PLCL1: variants seen among roughly 807,000 people sequenced by gnomAD.
The protein encoded by PLCL1 is phospholipase C like 1 (inactive), also known as inactive phospholipase C-like protein 1.
PLCL1 carries 41 observed loss-of-function variants against 84.4 expected under a neutral mutation model. The ratio of observed to expected loss-of-function variants is 0.49; its 90% CI spans 0.38 to 0.63. The LOEUF is 0.63. Ranked by LOEUF, PLCL1 falls within the 30% of genes least tolerant of loss-of-function variation. PLCL1 has a pLI of 0.00. For missense variants in PLCL1, 1,206 were observed against 1,367.8 expected (o/e 0.88, Z 1.87); for synonymous variants, 490 against 488.3 (o/e 1.00, Z -0.05).
At chr2:197,983,367 C>T (rs2105806825) in intron 1 of PLCL1, among the ~76,000 whole-genome samples, 1 of 151,600 alleles carries the variant, frequency 6.6e-6, no homozygotes, top group East Asian at 1.9e-4. Context: ...GTAGCTGGGA[C>T]CACAGGCGTG....
rs768267325 is a variant in PLCL1 at position 198,101,384 on chromosome 2, C to A, written c.2995+24C>A. ...AGGTAATTGTTTTTAATTTTTTTTT[C>A]TGTTTTTTTTTTCTATTTTGTTTGG... is the stretch of plus-strand genomic sequence containing the variant. On this transcript the variant is annotated intron_variant, in intron 4 of 5. Coordinates refer to ENST00000428675, the MANE Select transcript of PLCL1 (RefSeq NM_006226.4). 10 of 1,281,166 alleles carry A rather than the reference C, an allele frequency of 7.8e-6. No homozygotes were observed. The South Asian group carries it at 1.3e-4, about 16-fold the overall frequency. 79.4% of individuals were successfully genotyped at this position (1,281,166 alleles called of 1,614,324 possible).
chr2:198,090,886 G>T (rs11895223), intron 3 of PLCL1, among the ~76,000 whole-genome samples: 9,510 of 152,188 alleles, frequency 0.062, 802 homozygotes, highest in African/African-American at 0.2. Flanking sequence ...CTGGGCAATT[G>T]CCATTTCACA....
intron 5 of PLCL1, among the ~76,000 whole-genome samples, chr2:198,108,664 A>G (rs1693547263): frequency 6.6e-6 from 1 of 151,976 alleles, no homozygotes; most frequent in Admixed American, 6.6e-5. Context: ...AAGAATTATA[A>G]TTACAGTGTC....
chr2:197,853,943 G>C (rs1435569), intron 1 of PLCL1, among the ~76,000 whole-genome samples: 110,648 of 152,094 alleles, frequency 0.73, 41,296 homozygotes, highest in African/African-American at 0.9. Context: ...GATCTATCTG[G>C]AGGGGGCTTC....
chr2:197,982,277 C>G (rs903451255), intron 1 of PLCL1, among the ~76,000 whole-genome samples: 1 of 151,582 alleles, frequency 6.6e-6, no homozygotes, highest in Non-Finnish European at 1.5e-5. Context: ...ACTAGGAGCC[C>G]CTTTGTATCT....
At chr2:198,003,928 C>T (rs572335909) in intron 1 of PLCL1, among the ~76,000 whole-genome samples, 1 of 152,276 alleles carries the variant, frequency 6.6e-6, no homozygotes, top group South Asian at 2.1e-4. Flanking sequence ...TTAGAAGGAA[C>T]TTGACCAAGT....
chr2:197,807,429 G>C (rs1042659269), intron 1 of PLCL1, among the ~76,000 whole-genome samples: 2 of 16,038 alleles, frequency 1.2e-4, no homozygotes, highest in African/African-American at 2.3e-3. Flanking sequence ...GTAGGTCTTT[G>C]GTGGGCAGCA....
intron 1 of PLCL1, among the ~76,000 whole-genome samples, chr2:197,887,661 G>A (rs907221770): frequency 4.6e-5 from 7 of 152,008 alleles, no homozygotes; most frequent in East Asian, 3.8e-4. Context: ...ATTGGTAATC[G>A]TGAAATCTGG....
intron 1 of PLCL1, among the ~76,000 whole-genome samples, chr2:198,005,653 C>T (rs1690711569): frequency 1.3e-5 from 2 of 152,146 alleles, no homozygotes; most frequent in African/African-American, 2.4e-5. Context: ...AAAAAGTATG[C>T]GGCACTGTGA....
At chr2:197,919,650 C>T (rs988891432) in intron 1 of PLCL1, among the ~76,000 whole-genome samples, 1 of 152,188 alleles carries the variant, frequency 6.6e-6, no homozygotes, top group African/African-American at 2.4e-5. Flanking sequence ...ACCAATGATA[C>T]AAGAGAGGAA....
At chr2:198,049,535 G>C (rs977387171) in intron 1 of PLCL1, among the ~76,000 whole-genome samples, 2 of 152,192 alleles carry the variant, frequency 1.3e-5, no homozygotes, top group Non-Finnish European at 2.9e-5. Flanking sequence ...GTGGATGGCA[G>C]AGAGAGATTT....
chr2:197,968,402 A>G (rs2105795213), intron 1 of PLCL1, among the ~76,000 whole-genome samples: 1 of 152,282 alleles, frequency 6.6e-6, no homozygotes, highest in East Asian at 1.9e-4. Context: ...TAATAACAAA[A>G]ATATTTGTCA....
At position 198,103,954 on chromosome 2, in the gene PLCL1, A is replaced by G; in HGVS notation, c.3105+18A>G. ...TATTGAAGGTAGATGAAACACTCAG[A>G]TGTCCCCTGTGCCTTTACTTTTCTT... On this transcript the variant is annotated intron_variant, in intron 5 of 5. Transcript: ENST00000428675. The G allele has an allele frequency of 7.8e-7, 1 of 1,283,244 alleles. No homozygotes were observed. The highest frequency in any genetic ancestry group is 1.1e-6 in the Non-Finnish European group (1 of 895,128). 79.5% of individuals were successfully genotyped at this position (1,283,244 alleles called of 1,614,324 possible). A position where few individuals can be genotyped will look rare whatever the true frequency, so the allele number is the denominator to read the frequency against.
At chr2:197,895,783 C>T (rs6735214) in intron 1 of PLCL1, among the ~76,000 whole-genome samples, 77,549 of 151,478 alleles carry the variant, frequency 0.51, 20,880 homozygotes, top group African/African-American at 0.63. Context: ...TCAACATTAA[C>T]ATGTGAAATA....
At chr2:197,883,682 T>C (rs558693604) in intron 1 of PLCL1, among the ~76,000 whole-genome samples, 1 of 152,270 alleles carries the variant, frequency 6.6e-6, no homozygotes, top group African/African-American at 2.4e-5. Context: ...ACAATGGAAA[T>C]AAACCTAGGG....
intron 5 of PLCL1, among the ~76,000 whole-genome samples, chr2:198,112,272 C>A (rs973048747): frequency 2.0e-5 from 3 of 151,804 alleles, no homozygotes; most frequent in African/African-American, 7.3e-5. Context: ...CAGTTGAGTC[C>A]TTGGACAGGT....
chr2:198,001,349 G>C (rs1690595479), intron 1 of PLCL1, among the ~76,000 whole-genome samples: 1 of 152,130 alleles, frequency 6.6e-6, no homozygotes, highest in Admixed American at 6.5e-5. Flanking sequence ...CATGCACACA[G>C]AAAACTACAC....
intron 1 of PLCL1, among the ~76,000 whole-genome samples, chr2:197,888,427 C>A (rs1018142372): frequency 2.0e-5 from 3 of 152,094 alleles, no homozygotes; most frequent in Non-Finnish European, 2.9e-5. Flanking sequence ...GGCTTATGAA[C>A]TGGCAGAACA....
At chr2:198,131,283 G>T (rs960359957) in intron 5 of PLCL1, among the ~76,000 whole-genome samples, 2 of 152,158 alleles carry the variant, frequency 1.3e-5, no homozygotes, top group African/African-American at 4.8e-5. Flanking sequence ...TCTTCAGGAT[G>T]CCTTCATGGA....
Sources: allele counts gnomAD v4.1 joint callset (sites outside exome capture counted in the v4.1 genomes callset), GRCh38; gene constraint gnomAD v4.1.1; transcripts MANE v1.5; gene names NCBI Gene and HGNC (gene_info 2026-07-23, HGNC 2026-07-21).